MMP16: variants seen among roughly 807,000 people sequenced by gnomAD.
The protein encoded by MMP16 is matrix metallopeptidase 16, also known as matrix metalloproteinase-16.
In MMP16, 12 loss-of-function variants were observed where a neutral mutation model predicts 67.8. That is an observed-to-expected ratio of 0.18 (90% CI 0.11 to 0.29). The LOEUF (loss-of-function observed/expected upper bound fraction) is 0.29, where lower values mean the gene tolerates loss of function less well. Ranked by LOEUF, MMP16 falls within the 10% of genes least tolerant of loss-of-function variation. The pLI, the probability that MMP16 is intolerant of heterozygous loss-of-function variation, is 1.00. For missense variants in MMP16, 475 were observed against 765.7 expected, an observed-to-expected ratio of 0.62 and a Z score of 4.48; for synonymous variants, 249 against 255.9, an observed-to-expected ratio of 0.97 and a Z score of 0.26.
chr8:88,260,459 C>A (rs1310777205), intron 1 of MMP16, among the ~76,000 whole-genome samples: 1 of 151,936 alleles, frequency 6.6e-6, no homozygotes, highest in Admixed American at 6.6e-5. Context: ...TATTGAAACT[C>A]TCTGAATAGG....
intron 1 of MMP16, among the ~76,000 whole-genome samples, chr8:88,215,007 T>A (rs1809566748): frequency 6.6e-6 from 1 of 152,184 alleles, no homozygotes; most frequent in Non-Finnish European, 1.5e-5. Context: ...CAAATTTCAT[T>A]ATTGAATAGA....
intron 4 of MMP16, among the ~76,000 whole-genome samples, chr8:88,120,811 T>C (rs548468501): frequency 6.6e-6 from 1 of 152,026 alleles, no homozygotes. Flanking sequence ...AGTCCCAATG[T>C]AGACTTACAG....
rs1277593690 is a variant in MMP16, at chr8:88,253,177, A to C, written c.133-55871T>G. ...AGCTATTATTATGATTATCATTACTAATATTTATTTAGACAACACTTAATA... is the reference window on the plus strand; with the variant it reads ...AGCTATTATTATGATTATCATTACTCATATTTATTTAGACAACACTTAATA... On this transcript the variant is annotated intron_variant, in intron 1 of 9. Coordinates refer to ENST00000286614, the MANE Select transcript of MMP16 (RefSeq NM_005941.5). Among the ~76,000 whole-genome samples the C allele has an allele frequency of 2.3e-5, 3 of 131,558 alleles. No individual in the cohort carries two copies. The South Asian group carries it at 7.4e-4, about 33-fold the overall frequency. The allele number at this position is 131,558 out of a possible 152,430, so 86.3% of individuals were successfully genotyped here.
intron 2 of MMP16, among the ~76,000 whole-genome samples, chr8:88,190,069 G>C (rs548895936): frequency 6.6e-6 from 1 of 152,224 alleles, no homozygotes; most frequent in East Asian, 1.9e-4. Flanking sequence ...TTATTGCAGA[G>C]ACATTACGTG....
intron 1 of MMP16, among the ~76,000 whole-genome samples, chr8:88,309,772 T>G (rs1811268113): frequency 6.6e-6 from 1 of 152,104 alleles, no homozygotes; most frequent in Admixed American, 6.6e-5. Flanking sequence ...ATCCTGCCTA[T>G]CACCAATATA....
intron 1 of MMP16, among the ~76,000 whole-genome samples, chr8:88,272,268 T>A (rs1295058571): frequency 6.6e-6 from 1 of 152,156 alleles, no homozygotes; most frequent in Non-Finnish European, 1.5e-5. Context: ...ATCAGCAATA[T>A]CATCAAGATC....
chr8:88,212,087 C>T (rs897041317), intron 1 of MMP16, among the ~76,000 whole-genome samples: 15 of 152,124 alleles, frequency 9.9e-5, no homozygotes, highest in African/African-American at 3.6e-4. Context: ...TCCTAGTCTT[C>T]CTTGAAGTCT....
chr8:88,211,528 C>A (rs1445018268), intron 1 of MMP16, among the ~76,000 whole-genome samples: 1 of 152,104 alleles, frequency 6.6e-6, no homozygotes, highest in Non-Finnish European at 1.5e-5. Flanking sequence ...AAGCTCCAAA[C>A]TTCATGGGGC....
At chr8:88,169,587 G>C (rs966338152) in intron 3 of MMP16, among the ~76,000 whole-genome samples, 1 of 152,110 alleles carries the variant, frequency 6.6e-6, no homozygotes, top group Non-Finnish European at 1.5e-5. Flanking sequence ...TAAATATCTA[G>C]ATTATATTTA....
chr8:88,109,601 A>G (rs943771400), intron 6 of MMP16, among the ~76,000 whole-genome samples: 4 of 151,340 alleles, frequency 2.6e-5, no homozygotes, highest in African/African-American at 7.3e-5. Flanking sequence ...ACAAATGCCA[A>G]ATTTGAAAGA....
intron 6 of MMP16, among the ~76,000 whole-genome samples, chr8:88,114,618 T>C (rs1211048754): frequency 2.6e-5 from 4 of 151,908 alleles, no homozygotes; most frequent in African/African-American, 9.7e-5. Flanking sequence ...TGACAAAACG[T>C]TCTCTAGGCA....
chr8:88,155,153 T>C (rs1808487314), intron 4 of MMP16, among the ~76,000 whole-genome samples: 2 of 152,096 alleles, frequency 1.3e-5, no homozygotes, highest in South Asian at 2.1e-4. Flanking sequence ...TCTATCTTTA[T>C]ATTATGTTAC....
At chr8:88,147,600 G>C (rs1352323444) in intron 4 of MMP16, among the ~76,000 whole-genome samples, 1 of 151,386 alleles carries the variant, frequency 6.6e-6, no homozygotes, top group Non-Finnish European at 1.5e-5. Context: ...AAAGAGTTTT[G>C]CTGGGTAATT....
chr8:88,169,149 T>C (rs1808761344), intron 3 of MMP16, among the ~76,000 whole-genome samples: 1 of 152,208 alleles, frequency 6.6e-6, no homozygotes, highest in East Asian at 1.9e-4. Context: ...CTAATGCATG[T>C]CATTGTATAA....
intron 1 of MMP16, among the ~76,000 whole-genome samples, chr8:88,285,359 C>T (rs573694416): frequency 1.1e-4 from 16 of 152,092 alleles, no homozygotes; most frequent in Non-Finnish European, 1.8e-4. Context: ...AGGCTGGTCT[C>T]GAACTCCTGA....
At chr8:88,203,639 C>T (rs996816540) in intron 1 of MMP16, among the ~76,000 whole-genome samples, 1 of 152,022 alleles carries the variant, frequency 6.6e-6, no homozygotes, top group African/African-American at 2.4e-5. Flanking sequence ...TTTTTCTGTG[C>T]CAGGTTACAT....
intron 3 of MMP16, among the ~76,000 whole-genome samples, chr8:88,171,889 C>T (rs1808810122): frequency 6.6e-6 from 1 of 151,088 alleles, no homozygotes; most frequent in African/African-American, 2.4e-5. Context: ...TGCAGTGGCA[C>T]CATCACATCT....
At chr8:88,259,468 T>C (rs1375798906) in intron 1 of MMP16, among the ~76,000 whole-genome samples, 2 of 152,060 alleles carry the variant, frequency 1.3e-5, no homozygotes, top group Non-Finnish European at 2.9e-5. Context: ...GTGACATCTA[T>C]CACAACCTAA....
chr8:88,315,519 G>A (rs1811363417), intron 1 of MMP16, among the ~76,000 whole-genome samples: 1 of 152,134 alleles, frequency 6.6e-6, no homozygotes, highest in African/African-American at 2.4e-5. Context: ...CTCACTCTAT[G>A]TGATCACTAA....
Sources: gnomAD v4.1 joint callset for allele counts (sites outside exome capture counted in the v4.1 genomes callset) on GRCh38, gnomAD v4.1.1 for gene constraint, MANE v1.5 for transcripts, NCBI Gene and HGNC (gene_info 2026-07-23, HGNC 2026-07-21) for gene names.